ZC3H12B: variants seen among roughly 807,000 people sequenced by gnomAD.
ZC3H12B encodes probable ribonuclease ZC3H12B.
A neutral mutation model predicts 43.9 loss-of-function variants in ZC3H12B; 7 were observed. The observed-to-expected ratio is 0.16, with a 90% CI of 0.09 to 0.30. The LOEUF (loss-of-function observed/expected upper bound fraction) is 0.30, where lower values mean the gene tolerates loss of function less well. Among genes scored for constraint, ZC3H12B ranks in the 10% least tolerant of loss-of-function variants. The pLI, the probability that ZC3H12B is intolerant of heterozygous loss-of-function variation, is 1.00. For missense variants in ZC3H12B, 475 were observed against 670.2 expected, an observed-to-expected ratio of 0.71 and a Z score of 3.22; for synonymous variants, 222 against 241.7, an observed-to-expected ratio of 0.92 and a Z score of 0.76.
At chrX:65,466,055 A>C (rs2067813572) in intron 3 of ZC3H12B, among the ~76,000 whole-genome samples, 1 of 110,552 alleles carries the variant, frequency 9.0e-6, no homozygotes, top group Non-Finnish European at 1.9e-5. Flanking sequence ...TATATGATAC[A>C]ATATTGTTAA....
chrX:65,121,953 G>A, the ZC3H12B span, among the ~76,000 whole-genome samples: 4 of 111,114 alleles, frequency 3.6e-5, no homozygotes, highest in African/African-American at 1.3e-4. Context: ...GTAGTTGAGC[G>A]GTTTTGAATG....
At chrX:65,209,838 A>G in the ZC3H12B span, among the ~76,000 whole-genome samples, 1 of 99,407 alleles carries the variant, frequency 1.0e-5, no homozygotes, top group African/African-American at 4.0e-5. Flanking sequence ...TATTTAATAA[A>G]TGGTGCTGGG....
At chrX:65,231,033 G>T in the ZC3H12B span, among the ~76,000 whole-genome samples, 1 of 111,445 alleles carries the variant, frequency 9.0e-6, no homozygotes, top group African/African-American at 3.3e-5. Flanking sequence ...TTCACCATAG[G>T]TCCTTTCTAT....
exon 5 of ZC3H12B, chrX:65,504,736 T>C (rs1222483672): frequency 8.9e-6 from 1 of 112,860 alleles, no homozygotes. Context: ...TTCAACATCA[T>C]TGGATGAAAT....
chrX:65,096,989 C>T, the ZC3H12B span, among the ~76,000 whole-genome samples: 6 of 111,276 alleles, frequency 5.4e-5, no homozygotes, highest in Non-Finnish European at 1.1e-4. Context: ...TATACTATAC[C>T]ATGTTGCCTT....
the ZC3H12B span, among the ~76,000 whole-genome samples, chrX:65,246,586 G>C: frequency 8.9e-6 from 1 of 111,951 alleles, no homozygotes; most frequent in Non-Finnish European, 1.9e-5. Flanking sequence ...GAACAGAATA[G>C]AGAACCCAGA....
the ZC3H12B span, among the ~76,000 whole-genome samples, chrX:65,202,425 T>A: frequency 1.8e-5 from 2 of 108,265 alleles, no homozygotes; most frequent in Non-Finnish European, 3.8e-5. Context: ...GATCTAAGGT[T>A]TTGGTCATTG....
the ZC3H12B span, among the ~76,000 whole-genome samples, chrX:65,165,982 G>A: frequency 3.6e-5 from 4 of 111,519 alleles, no homozygotes; most frequent in African/African-American, 9.8e-5. Flanking sequence ...TTTAATAATC[G>A]CTATTCTAAC....
chrX:65,069,234 A>G, the ZC3H12B span, among the ~76,000 whole-genome samples: 9 of 95,262 alleles, frequency 9.4e-5, no homozygotes, highest in East Asian at 3.2e-4. Flanking sequence ...CTTTTTTTCT[A>G]CCTCCTCTTT....
At chrX:65,421,597 C>T (rs893889330) in intron 3 of ZC3H12B, among the ~76,000 whole-genome samples, 1 of 112,398 alleles carries the variant, frequency 8.9e-6, no homozygotes, top group Admixed American at 9.4e-5. Flanking sequence ...TTACTGAATG[C>T]CTTGTCTCCA....
At chrX:65,203,012 G>A in the ZC3H12B span, among the ~76,000 whole-genome samples, 1 of 110,494 alleles carries the variant, frequency 9.1e-6, no homozygotes, top group African/African-American at 3.3e-5. Context: ...AGTCTCTGTG[G>A]CCACCACTGC....
chrX:65,289,145 T>C, the ZC3H12B span, among the ~76,000 whole-genome samples: 1 of 110,996 alleles, frequency 9.0e-6, no homozygotes, highest in Admixed American at 9.6e-5. Flanking sequence ...AAAGTTAATG[T>C]TATTAAAGTG....
At chrX:65,075,501 G>A in the ZC3H12B span, among the ~76,000 whole-genome samples, 2 of 112,049 alleles carry the variant, frequency 1.8e-5, no homozygotes, top group Admixed American at 1.9e-4. Flanking sequence ...GACTATGCCA[G>A]TCCTGTCTGC....
At chrX:65,212,426 AATT>A in the ZC3H12B span, among the ~76,000 whole-genome samples, 6,196 of 61,142 alleles carry the variant, frequency 0.1, 1,027 homozygotes, top group African/African-American at 0.42. Flanking sequence ...TATGTAATAT[AATT>A]ATTATATATT....
At chrX:65,307,404 G>A in the ZC3H12B span, among the ~76,000 whole-genome samples, 2 of 111,419 alleles carry the variant, frequency 1.8e-5, no homozygotes, top group African/African-American at 6.5e-5. Flanking sequence ...GTATAATCTA[G>A]GATATAAGAT....
At chrX:65,160,059 T>G in the ZC3H12B span, among the ~76,000 whole-genome samples, 1 of 112,204 alleles carries the variant, frequency 8.9e-6, no homozygotes, top group Non-Finnish European at 1.9e-5. Flanking sequence ...ATATGTTGGA[T>G]TACATTTATT....
chrX:65,057,556 C>T, the ZC3H12B span, among the ~76,000 whole-genome samples: 3 of 111,170 alleles, frequency 2.7e-5, no homozygotes, highest in Admixed American at 9.6e-5. Context: ...TGACAATTAT[C>T]TGTCTTGGAG....
At chrX:65,259,967 G>C in the ZC3H12B span, among the ~76,000 whole-genome samples, 1 of 111,614 alleles carries the variant, frequency 9.0e-6, no homozygotes, top group Non-Finnish European at 1.9e-5. Context: ...GAAATAACTC[G>C]GGAATGGAAA....
the ZC3H12B span, among the ~76,000 whole-genome samples, chrX:65,215,341 C>A: frequency 8.9e-6 from 1 of 111,856 alleles, no homozygotes; most frequent in Non-Finnish European, 1.9e-5. Context: ...TTTGTCTACA[C>A]TTTCAGTGTA....
Sources: gnomAD v4.1 joint callset for allele counts (sites outside exome capture counted in the v4.1 genomes callset) on GRCh38, gnomAD v4.1.1 for gene constraint, MANE v1.5 for transcripts, NCBI Gene and HGNC (gene_info 2026-07-23, HGNC 2026-07-21) for gene names.